Variants in CAMK1D observed in about 807,000 individuals in gnomAD.
The protein encoded by CAMK1D is calcium/calmodulin dependent protein kinase ID, also known as calcium/calmodulin-dependent protein kinase type 1D.
CAMK1D carries 9 observed loss-of-function variants against 47.7 expected under a neutral mutation model. That is an observed-to-expected ratio of 0.19 (90% CI 0.11 to 0.33). The LOEUF is 0.33. Among genes scored for constraint, CAMK1D ranks in the 10% least tolerant of loss-of-function variants. CAMK1D has a pLI of 1.00. For synonymous variants in CAMK1D, 184 were observed against 184.9 expected (o/e 0.99, Z 0.04); for missense variants, 291 against 488.7 (o/e 0.60, Z 3.81).
chr10:12,760,507 T>A (rs892142716), intron 3 of CAMK1D: 1 of 158,838 alleles, frequency 6.3e-6, no homozygotes, highest in Non-Finnish European at 1.4e-5. Context: ...GAGCAGAACT[T>A]GGTCAAAAAC....
chr10:12,409,704 A>G (rs1342707027), intron 1 of CAMK1D, among the ~76,000 whole-genome samples: 2 of 152,274 alleles, frequency 1.3e-5, no homozygotes, highest in African/African-American at 2.4e-5. Flanking sequence ...GTGGTAATAT[A>G]TAAAACACCA....
At chr10:12,368,920 C>T (rs1205399167) in intron 1 of CAMK1D, among the ~76,000 whole-genome samples, 1 of 152,078 alleles carries the variant, frequency 6.6e-6, no homozygotes, top group Non-Finnish European at 1.5e-5. Flanking sequence ...TGAGTTCAAG[C>T]GATTCTCCTG....
At chr10:12,360,612 G>T (rs1397575317) in intron 1 of CAMK1D, among the ~76,000 whole-genome samples, 12 of 152,294 alleles carry the variant, frequency 7.9e-5, no homozygotes, top group South Asian at 2.1e-4. Context: ...TTTAAGGAAA[G>T]AACTTTTTCT....
intron 3 of CAMK1D, among the ~76,000 whole-genome samples, chr10:12,742,449 G>A (rs187992511): frequency 6.6e-6 from 1 of 152,256 alleles, no homozygotes; most frequent in East Asian, 1.9e-4. Context: ...CGTAATTTAT[G>A]TACCATAAAA....
At chr10:12,417,179 ATAT>A (rs1839881030) in intron 1 of CAMK1D, among the ~76,000 whole-genome samples, 1 of 152,110 alleles carries the variant, frequency 6.6e-6, no homozygotes, top group African/African-American at 2.4e-5. Flanking sequence ...TTAGCTGTTA[ATAT>A]TATTTTTATT....
At chr10:12,698,809 A>G (rs1371401608) in intron 3 of CAMK1D, among the ~76,000 whole-genome samples, 1 of 150,940 alleles carries the variant, frequency 6.6e-6, no homozygotes, top group African/African-American at 2.4e-5. Flanking sequence ...AGTAACTGGG[A>G]CTACAGGTAC....
intron 3 of CAMK1D, among the ~76,000 whole-genome samples, chr10:12,670,119 C>T (rs891292819): frequency 3.8e-5 from 5 of 131,964 alleles, no homozygotes; most frequent in Admixed American, 8.8e-5. Flanking sequence ...GTGGTTGTAC[C>T]GTTTTGCTTT....
intron 2 of CAMK1D, among the ~76,000 whole-genome samples, chr10:12,645,634 C>T (rs948997141): frequency 1.3e-5 from 2 of 152,182 alleles, no homozygotes; most frequent in Non-Finnish European, 2.9e-5. Flanking sequence ...TTGTTTAAGG[C>T]TGGCACCAAG....
At chr10:12,359,524 G>GT (rs113839973) in intron 1 of CAMK1D, among the ~76,000 whole-genome samples, 8,817 of 144,280 alleles carry the variant, frequency 0.061, 589 homozygotes, top group African/African-American at 0.16. Flanking sequence ...TAGCTTCTCG[G>GT]TTTTTTTTTT....
At chr10:12,674,773 C>T (rs1482698507) in intron 3 of CAMK1D, among the ~76,000 whole-genome samples, 1 of 151,550 alleles carries the variant, frequency 6.6e-6, no homozygotes. Context: ...GTGGCTCACG[C>T]CTGTAATCCC....
chr10:12,619,243 A>G (rs559547205), intron 2 of CAMK1D, among the ~76,000 whole-genome samples: 2 of 152,222 alleles, frequency 1.3e-5, no homozygotes, highest in African/African-American at 4.8e-5. Flanking sequence ...TTTTCTCCTG[A>G]GGAAACTAAG....
At chr10:12,560,008 C>T (rs934105120) in intron 2 of CAMK1D, among the ~76,000 whole-genome samples, 1 of 152,150 alleles carries the variant, frequency 6.6e-6, no homozygotes, top group Non-Finnish European at 1.5e-5. Context: ...CTCCAGTTAC[C>T]TTAAGGCAGA....
chr10:12,561,070 T>C (rs1411279986), intron 2 of CAMK1D, among the ~76,000 whole-genome samples: 3 of 152,014 alleles, frequency 2.0e-5, no homozygotes, highest in Non-Finnish European at 4.4e-5. Flanking sequence ...CCTGCCACCA[T>C]GCCTGGCTAA....
At chr10:12,649,514 C>T (rs1301151563) in intron 2 of CAMK1D, among the ~76,000 whole-genome samples, 1 of 152,200 alleles carries the variant, frequency 6.6e-6, no homozygotes, top group Non-Finnish European at 1.5e-5. Flanking sequence ...ATCTTTCAGA[C>T]ATGTACAGGG....
At chr10:12,716,369 C>T (rs1834136955) in intron 3 of CAMK1D, among the ~76,000 whole-genome samples, 1 of 152,150 alleles carries the variant, frequency 6.6e-6, no homozygotes, top group South Asian at 2.1e-4. Flanking sequence ...AGAATCACCC[C>T]AGCTTGAGAA....
intron 1 of CAMK1D, among the ~76,000 whole-genome samples, chr10:12,373,383 G>A (rs1454849280): frequency 2.6e-5 from 4 of 151,790 alleles, no homozygotes; most frequent in African/African-American, 9.7e-5. Context: ...TGTAATCCCA[G>A]CACTTTGGGA....
Position 12,701,103 on chromosome 10 carries a change from T to G in CAMK1D, c.299+34293T>G, listed in dbSNP as rs994635987. ...TTCCACTTTTAAGTTGCCCATAGAT[T>G]CTTCTTTTTTTTTTTTTTTCTTTTT... On this transcript the variant is annotated intron_variant, in intron 3 of 10. Coordinates refer to ENST00000619168, the MANE Select transcript of CAMK1D (RefSeq NM_153498.4). 4.6e-5 allele frequency among the ~76,000 whole-genome samples: 7 copies of G among 151,656 alleles called. No individual in the cohort carries two copies. The East Asian group carries it at 1.2e-3, about 25-fold the overall frequency.
intron 1 of CAMK1D, among the ~76,000 whole-genome samples, chr10:12,394,428 C>A (rs889752768): frequency 6.6e-6 from 1 of 152,172 alleles, no homozygotes; most frequent in African/African-American, 2.4e-5. Context: ...AAATTCCAAC[C>A]CTCTCTCATC....
Position 12,637,369 on chromosome 10 carries a change from G to A in CAMK1D, c.225-29367G>A, listed in dbSNP as rs1057119038. On this transcript the variant is annotated intron_variant, in intron 2 of 10. Transcript: ENST00000619168. The stretch of plus-strand genomic sequence containing the variant: ...ATTCTCCCTCTCTCGAAAGTCATGC[G>A]TTTGTTCTCAACTCTCACAGAAGGA... Among the ~76,000 whole-genome samples the A allele has an allele frequency of 5.9e-5, 9 of 152,312 alleles. No individual in the cohort carries two copies. The South Asian group carries it at 1.4e-3, about 25-fold the overall frequency.
Sources: allele counts gnomAD v4.1 joint callset (sites outside exome capture counted in the v4.1 genomes callset), GRCh38; gene constraint gnomAD v4.1.1; transcripts MANE v1.5; gene names NCBI Gene and HGNC (gene_info 2026-07-23, HGNC 2026-07-21).